The following GTSE1 variants were observed in gnomAD, a reference collection of about 807,000 sequenced individuals.
GTSE1 encodes the protein G2 and S phase-expressed protein 1.
In GTSE1, 52 loss-of-function variants were observed where a neutral mutation model predicts 60.5. That is an observed-to-expected ratio of 0.86 (90% CI 0.69 to 1.08). GTSE1 has a LOEUF of 1.08. Ranked by LOEUF, GTSE1 falls within the 50% of genes least tolerant of loss-of-function variation. The pLI, the probability that GTSE1 is intolerant of heterozygous loss-of-function variation, is 0.00. For synonymous variants in GTSE1, 368 were observed against 386.5 expected (o/e 0.95, Z 0.56); for missense variants, 937 against 961.8 (o/e 0.97, Z 0.34).
At chr22:46,327,698 C>T (rs550976739) in intron 9 of GTSE1, among the ~76,000 whole-genome samples, 1 of 152,252 alleles carries the variant, frequency 6.6e-6, no homozygotes, top group African/African-American at 2.4e-5. Context: ...AACAAAAAAA[C>T]ATATATAATA....
Position 46,309,185 on chromosome 22 carries a change from T to C in GTSE1, c.762+242T>C, listed in dbSNP as rs1301631847. ...GTCTGAAGTTGTTCCTTTTGTTTTG[T>C]TACAATGCTGGATATACCACACAGT... On this transcript the variant is annotated intron_variant, in intron 4 of 11. Transcript: ENST00000454366. This position sits in a 1 kb window ranked among gnomAD's most constrained non-coding sequence, Gnocchi z 6.2. Among the ~76,000 whole-genome samples, 1 of 152,242 alleles carries C rather than the reference T, an allele frequency of 6.6e-6. No individual in the cohort carries two copies. The highest frequency in any genetic ancestry group is 1.9e-4 in the East Asian group (1 of 5,202).
intron 2 of GTSE1, among the ~76,000 whole-genome samples, chr22:46,298,550 C>T (rs2077671001): frequency 1.3e-5 from 2 of 151,954 alleles, no homozygotes; most frequent in Non-Finnish European, 2.9e-5. Flanking sequence ...TCAGGTGATC[C>T]ACCTGCCTAG....
At chr22:46,306,614 G>A (rs1232576860) in intron 2 of GTSE1, among the ~76,000 whole-genome samples, 1 of 152,162 alleles carries the variant, frequency 6.6e-6, no homozygotes, top group African/African-American at 2.4e-5. Flanking sequence ...CCCAGTAGCT[G>A]GGATTACAGG....
chr22:46,298,803 T>C (rs897082766), intron 2 of GTSE1, among the ~76,000 whole-genome samples: 1 of 152,220 alleles, frequency 6.6e-6, no homozygotes, highest in East Asian at 1.9e-4. Context: ...CCCACTTCCG[T>C]TGACCTGACT....
chr22:46,300,049 C>T (rs1326013797), intron 2 of GTSE1, among the ~76,000 whole-genome samples: 1 of 150,738 alleles, frequency 6.6e-6, no homozygotes. Flanking sequence ...GTGATCTGCC[C>T]GCCTGGGCCT....
In GTSE1 at chr22:46,326,611, G is replaced by A. The variant is rs773344210; in HGVS notation, c.1681G>A (p.Ala561Thr). ...RAVGSPLCVP[A>T]RRRSSEPRKN... ...CGTGGGCTCTCCCCTGTGTGTGCCA[G>A]CTCGGAGACGTTCCTCTGAGCCCCG... The change falls in exon 9 of 12, where the codon GCT (alanine) becomes ACT (threonine). Residue 561 changes from alanine (A) to threonine (T), a missense_variant. Physicochemically the swap from Ala to Thr is moderately conservative, Grantham distance 58. Coordinates refer to ENST00000454366, the MANE Select transcript of GTSE1 (RefSeq NM_016426.7). The A allele has an allele frequency of 1.2e-6, 2 of 1,613,272 alleles. No homozygotes were observed. The highest frequency in any genetic ancestry group is 1.7e-6 in the Non-Finnish European group (2 of 1,179,550).
rs561929532 is a variant in GTSE1 at position 46,319,143 on chromosome 22, G to A, written c.1432+2731G>A. 9.2e-5 allele frequency among the ~76,000 whole-genome samples: 14 copies of A among 152,328 alleles called. No homozygotes were observed. The South Asian group carries it at 1.0e-3, about 11-fold the overall frequency. ...TAGCAACCTCAGCCAGTCAGTGACC[G>A]AGGGGCAGGGTAAGAAGAGATGAAG... On this transcript the variant is annotated intron_variant, in intron 7 of 11. Coordinates refer to ENST00000454366, the MANE Select transcript of GTSE1 (RefSeq NM_016426.7). This position sits in a 1 kb window ranked among gnomAD's most constrained non-coding sequence, Gnocchi z 5.0.
At position 46,320,312 on chromosome 22, in the gene GTSE1, G is replaced by C. The variant is rs1300091481; in HGVS notation, c.1433-2878G>C. ...TCAGATGTGCATTTCACCTTCGGCA[G>C]GCGGTTCCTCCTCTCTCCACAATGC... is the stretch of plus-strand genomic sequence containing the variant. On this transcript the variant is annotated intron_variant, in intron 7 of 11. Coordinates refer to ENST00000454366, the MANE Select transcript of GTSE1 (RefSeq NM_016426.7). This position sits in a 1 kb window ranked among gnomAD's most constrained non-coding sequence, Gnocchi z 7.1. Among the ~76,000 whole-genome samples, 4 of 152,194 alleles carry C rather than the reference G, an allele frequency of 2.6e-5. No homozygotes were observed. The South Asian group carries it at 8.3e-4, about 32-fold the overall frequency.
At chr22:46,315,552 T>G (rs918119470) in intron 6 of GTSE1, among the ~76,000 whole-genome samples, 2 of 152,246 alleles carry the variant, frequency 1.3e-5, no homozygotes, top group African/African-American at 4.8e-5. Context: ...TAGCTCAGTA[T>G]GTATTACCCT....
Position 46,329,623 on chromosome 22 carries a change from G to A in GTSE1, c.2136+56G>A. 1 of 1,416,042 alleles carries A rather than the reference G, an allele frequency of 7.1e-7. No homozygotes were observed. Among genetic ancestry groups the A allele is most frequent in the Non-Finnish European group, 1.0e-6 (1 of 1,001,686 alleles). 87.7% of individuals were successfully genotyped at this position (1,416,042 alleles called of 1,614,324 possible). ...CAGCCCTGGGTGTCCTCAGTTCTGG[G>A]ATTGTTCATCCTCCCAGGGCCATCG... is the stretch of plus-strand genomic sequence containing the variant. On this transcript the variant is annotated intron_variant, in intron 11 of 11. Coordinates refer to ENST00000454366, the MANE Select transcript of GTSE1 (RefSeq NM_016426.7). This position sits in a 1 kb window ranked among gnomAD's most constrained non-coding sequence, Gnocchi z 6.4.
rs367751138 is a variant in GTSE1, at chr22:46,326,570, A to G, written c.1640A>G (p.Lys547Arg). Residue 547 changes from lysine to arginine, a missense_variant, in exon 9 of 12, where the codon AAA (lysine) becomes AGA (arginine). Physicochemically the swap from Lys to Arg is conservative, Grantham distance 26. Coordinates refer to ENST00000454366, the MANE Select transcript of GTSE1 (RefSeq NM_016426.7). ...TCTGGCCTTCCACCGATGACCCCCA[A>G]AACGATGCCCAGGGCCGTGGGCTCT... ...RCSGLPPMTP[K>R]TMPRAVGSPL... The G allele has an allele frequency of 5.8e-5, 94 of 1,613,964 alleles. No homozygotes were observed. The highest frequency in any genetic ancestry group is 7.3e-5 in the Non-Finnish European group (86 of 1,179,976).
chr22:46,302,961 G>T (rs534923648), intron 2 of GTSE1, among the ~76,000 whole-genome samples: 1 of 145,882 alleles, frequency 6.9e-6, no homozygotes, highest in Non-Finnish European at 1.5e-5. Flanking sequence ...GTGCAGTGGC[G>T]TGATCTTGGC....
intron 6 of GTSE1, among the ~76,000 whole-genome samples, chr22:46,315,065 GTT>G (rs34334377): frequency 7.3e-6 from 1 of 137,796 alleles, no homozygotes; most frequent in Non-Finnish European, 1.6e-5. Context: ...ATTTTTGTGG[GTT>G]TTTTTTTTTT....
At chr22:46,315,975 T>A (rs2077776711) in intron 6 of GTSE1, 57 bp from the exon 7 acceptor site, 9 of 1,331,714 alleles carry the variant, frequency 6.8e-6, no homozygotes, top group Non-Finnish European at 9.2e-6. Flanking sequence ...TTCTGTGTGT[T>A]TGTTAAATAG....
At chr22:46,307,993 A>G (rs936994447) in intron 2 of GTSE1, among the ~76,000 whole-genome samples, 157 bp from the exon 3 acceptor site, 12 of 152,140 alleles carry the variant, frequency 7.9e-5, no homozygotes, top group African/African-American at 2.9e-4. Flanking sequence ...TATAACTTAG[A>G]GCCCCCTATG....
In GTSE1 at chr22:46,318,642, C is replaced by T. The variant is rs1269422239; in HGVS notation, c.1432+2230C>T. Among the ~76,000 whole-genome samples the T allele has an allele frequency of 6.6e-6, 1 of 151,896 alleles. No homozygotes were observed. Among genetic ancestry groups the T allele is most frequent in the Non-Finnish European group, 1.5e-5 (1 of 68,004 alleles). On this transcript the variant is annotated intron_variant, in intron 7 of 11. Coordinates refer to ENST00000454366, the MANE Select transcript of GTSE1 (RefSeq NM_016426.7). The surrounding 1 kb of genome is among the most constrained non-coding windows in gnomAD (Gnocchi z 4.8). ...ATCTGAACCAGGAGACTGAGGCAGC[C>T]GGTAGGAAAGTGCAAGGGGGAGCAC...
intron 9 of GTSE1, among the ~76,000 whole-genome samples, chr22:46,328,370 G>T (rs1328295038): frequency 6.6e-6 from 1 of 152,224 alleles, no homozygotes; most frequent in Non-Finnish European, 1.5e-5. Flanking sequence ...CTCAAGGAGG[G>T]GTCCCTGTGT....
intron 2 of GTSE1, among the ~76,000 whole-genome samples, chr22:46,301,269 A>G (rs770439318): frequency 1.3e-5 from 2 of 152,204 alleles, no homozygotes; most frequent in Non-Finnish European, 2.9e-5. Flanking sequence ...TCTGTAGGAT[A>G]CACTTGCAGA....
rs114328051 is a variant in GTSE1, at chr22:46,329,211, A to G, written c.1927-147A>G. The G allele has an allele frequency of 1.9e-3, 1,388 of 748,312 alleles. 19 individuals are homozygous for G. In the African/African-American group the frequency reaches 0.021, roughly 11 times the overall value. The allele number at this position is 748,312 out of a possible 1,614,324, so 46.4% of individuals were successfully genotyped here. ...GTCAGAGAGGCACGGCCCACCCCAT[A>G]CAGAGCCTCCTTCCACCAAGGCCCC... On this transcript the variant is annotated intron_variant, in intron 10 of 11. Coordinates refer to ENST00000454366, the MANE Select transcript of GTSE1 (RefSeq NM_016426.7). The surrounding 1 kb of genome is among the most constrained non-coding windows in gnomAD (Gnocchi z 6.4).
Sources: gnomAD v4.1 joint callset for allele counts (sites outside exome capture counted in the v4.1 genomes callset) on GRCh38, gnomAD v4.1.1 for gene constraint, Gnocchi (gnomAD v3.1) non-coding constraint, MANE v1.5 for transcripts, NCBI Gene and HGNC (gene_info 2026-07-23, HGNC 2026-07-21) for gene names.